ADGRV1: variants seen among roughly 807,000 people sequenced by gnomAD.
The protein encoded by ADGRV1 is G-protein coupled receptor 98.
A neutral mutation model predicts 596.2 loss-of-function variants in ADGRV1; 359 were observed. That is an observed-to-expected ratio of 0.60 (90% CI 0.55 to 0.66). ADGRV1 has a LOEUF of 0.66. Ranked by LOEUF, ADGRV1 falls within the 30% of genes least tolerant of loss-of-function variation. The probability of loss-of-function intolerance (pLI) is 0.00; values close to 1 mark genes in which losing one functional copy is unlikely to be tolerated. For missense variants in ADGRV1, 7,274 were observed against 7,575.6 expected (o/e 0.96, Z 1.48); for synonymous variants, 2,681 against 2,679.2 (o/e 1.00, Z -0.02).
At chr5:90,836,551 G>T (rs1017232113) in intron 77 of ADGRV1, among the ~76,000 whole-genome samples, 1 of 152,110 alleles carries the variant, frequency 6.6e-6, no homozygotes, top group Non-Finnish European at 1.5e-5. Flanking sequence ...AAAGAAATTG[G>T]TGGTTGCCAG....
At chr5:90,621,125 C>T (rs988672952) in intron 4 of ADGRV1, among the ~76,000 whole-genome samples, 1 of 152,160 alleles carries the variant, frequency 6.6e-6, no homozygotes, top group African/African-American at 2.4e-5. Context: ...ATCTCCAATA[C>T]AACTGAATCT....
intron 86 of ADGRV1, among the ~76,000 whole-genome samples, chr5:91,074,713 T>C (rs1449803361): frequency 6.6e-6 from 1 of 152,228 alleles, no homozygotes; most frequent in Non-Finnish European, 1.5e-5. Flanking sequence ...CTGAGTCAAG[T>C]AGTAATTCTG....
At chr5:90,596,947 T>C (rs1235843776) in intron 1 of ADGRV1, among the ~76,000 whole-genome samples, 2 of 152,182 alleles carry the variant, frequency 1.3e-5, no homozygotes, top group Non-Finnish European at 2.9e-5. Context: ...GAGTGGTGGG[T>C]GGTCTTTTTA....
intron 85 of ADGRV1, among the ~76,000 whole-genome samples, chr5:91,050,137 G>A (rs989508344): frequency 6.6e-6 from 1 of 152,178 alleles, no homozygotes; most frequent in Non-Finnish European, 1.5e-5. Flanking sequence ...AAAGCATTAG[G>A]ACTCTTTTCC....
At chr5:90,669,667 C>T (rs1733276828) in intron 21 of ADGRV1, among the ~76,000 whole-genome samples, 1 of 152,086 alleles carries the variant, frequency 6.6e-6, no homozygotes, top group Admixed American at 6.5e-5. Context: ...AAAATTATAA[C>T]ACTAGATGTG....
intron 50 of ADGRV1, among the ~76,000 whole-genome samples, chr5:90,741,138 TA>T (rs1355287214): frequency 1.3e-5 from 2 of 152,168 alleles, no homozygotes; most frequent in Admixed American, 1.3e-4. Flanking sequence ...CCATGTTTTC[TA>T]CTCCTTCCTC....
intron 83 of ADGRV1, among the ~76,000 whole-genome samples, chr5:90,870,096 C>CATAG (rs1768521070): frequency 6.6e-6 from 1 of 152,076 alleles, no homozygotes; most frequent in African/African-American, 2.4e-5. Context: ...TTAAGGTTTC[C>CATAG]ATAGCATGGA....
At chr5:90,839,284 A>G (rs1765232247) in intron 77 of ADGRV1, among the ~76,000 whole-genome samples, 1 of 152,040 alleles carries the variant, frequency 6.6e-6, no homozygotes, top group South Asian at 2.1e-4. Flanking sequence ...GCATAATCTC[A>G]GCTCACTGCA....
chr5:90,693,337 A>G (rs1206200528), intron 32 of ADGRV1, among the ~76,000 whole-genome samples: 1 of 152,170 alleles, frequency 6.6e-6, no homozygotes, highest in Non-Finnish European at 1.5e-5. Context: ...TAACCTATGC[A>G]CAGTCATCCA....
At chr5:91,083,500 A>G (rs968225236) in intron 86 of ADGRV1, among the ~76,000 whole-genome samples, 3 of 152,180 alleles carry the variant, frequency 2.0e-5, no homozygotes, top group African/African-American at 2.4e-5. Flanking sequence ...TGACGTTTTT[A>G]CAATATGTTG....
intron 85 of ADGRV1, among the ~76,000 whole-genome samples, chr5:90,987,525 G>C (rs1019562260): frequency 2.0e-5 from 3 of 150,628 alleles, no homozygotes; most frequent in African/African-American, 7.3e-5. Flanking sequence ...TTGCATTACA[G>C]GTTACTTTTC....
rs192855594 is a variant in ADGRV1 at position 90,605,687 on chromosome 5, C to T, written c.23-9148C>T. 9.9e-5 allele frequency among the ~76,000 whole-genome samples: 15 copies of T among 152,110 alleles called. No individual in the cohort carries two copies. The East Asian group carries it at 2.7e-3, about 27-fold the overall frequency. On this transcript the variant is annotated intron_variant, in intron 1 of 89. Transcript: ENST00000405460. ...AACTCTCACACAAATATAAAATGAA[C>T]ATGTCAAGATTTTATTCAACCCATT...
At position 90,634,002 on chromosome 5, in the gene ADGRV1, G is replaced by T. The variant is rs149207363; in HGVS notation, c.1840-1112G>T. Among the ~76,000 whole-genome samples the T allele has an allele frequency of 4.7e-3, 715 of 152,248 alleles. 5 individuals carry two copies. The highest frequency in any genetic ancestry group is 0.016 in the African/African-American group (674 of 41,542). On this transcript the variant is annotated intron_variant, in intron 9 of 89. Transcript: ENST00000405460. ...ATCAATTTAAATCACAGGTCTACTG[G>T]TGATTACTTAGTGTCATCATTTCAA...
At chr5:90,761,015 G>A (rs999938961) in intron 58 of ADGRV1, among the ~76,000 whole-genome samples, 3 of 151,956 alleles carry the variant, frequency 2.0e-5, no homozygotes, top group Non-Finnish European at 2.9e-5. Context: ...CAACTTTTCC[G>A]GCCCCATATG....
intron 89 of ADGRV1, among the ~76,000 whole-genome samples, chr5:91,159,356 C>G (rs1008229988): frequency 6.6e-6 from 1 of 152,178 alleles, no homozygotes; most frequent in African/African-American, 2.4e-5. Context: ...TTTGAAGCCA[C>G]TGTGTTAGTG....
intron 18 of ADGRV1, 67 bp downstream of exon 18, chr5:90,651,797 T>C: frequency 9.7e-7 from 1 of 1,027,502 alleles, no homozygotes; most frequent in Middle Eastern, 2.3e-4. Flanking sequence ...TGTGAAATTC[T>C]GAAATATTCC....
rs1260164176 is a variant in ADGRV1, at chr5:90,828,941, C to T, written c.16369-3C>T. On this transcript the variant is annotated splice_region_variant and splice_polypyrimidine_tract_variant and intron_variant, in intron 76 of 89. Transcript: ENST00000405460. The stretch of plus-strand genomic sequence containing the variant: ...GTTTTTTTTTCCTTTTTCTCATTGT[C>T]AGGTACCACAGGTTGAAGTGTATTT... 1 of 1,543,310 alleles carries T rather than the reference C, an allele frequency of 6.5e-7. No homozygotes were observed.
At chr5:90,997,397 A>G (rs1207859479) in intron 85 of ADGRV1, among the ~76,000 whole-genome samples, 2 of 152,094 alleles carry the variant, frequency 1.3e-5, no homozygotes, top group African/African-American at 2.4e-5. Context: ...TGTTCTGGCC[A>G]TTGAAGACAT....
At chr5:90,744,128 G>A (rs7730909) in intron 50 of ADGRV1, among the ~76,000 whole-genome samples, 6,035 of 151,902 alleles carry the variant, frequency 0.04, 406 homozygotes, top group African/African-American at 0.14. Flanking sequence ...AGCTGGGACC[G>A]CAGGTGCTTG....
Sources: allele counts gnomAD v4.1 joint callset (sites outside exome capture counted in the v4.1 genomes callset), GRCh38; gene constraint gnomAD v4.1.1; transcripts MANE v1.5; gene names NCBI Gene and HGNC (gene_info 2026-07-23, HGNC 2026-07-21).